Variants in MAST4 observed in about 807,000 individuals in gnomAD.
MAST4 encodes microtubule associated serine/threonine kinase family member 4.
Under a neutral mutation model 162.7 loss-of-function variants are expected in MAST4, and 89 were observed. The ratio of observed to expected loss-of-function variants is 0.55; its 90% CI spans 0.46 to 0.65. MAST4 has a LOEUF of 0.65. Ranked by LOEUF, MAST4 falls within the 30% of genes least tolerant of loss-of-function variation. The pLI, the probability that MAST4 is intolerant of heterozygous loss-of-function variation, is 0.00. For missense variants in MAST4, 3,153 were observed against 3,374.0 expected (o/e 0.93, Z 1.62); for synonymous variants, 1,479 against 1,361.1 (o/e 1.09, Z -1.91).
chr5:67,095,703 T>TC (rs749091573), intron 7 of MAST4, 28 bp downstream of exon 7: 4 of 1,449,892 alleles, frequency 2.8e-6, no homozygotes, highest in Non-Finnish European at 3.8e-6. Context: ...TTTTTTTTTT[T>TC]CTCTTCCTCA....
chr5:66,940,401 C>T (rs544285784), intron 4 of MAST4, among the ~76,000 whole-genome samples: 159 of 152,124 alleles, frequency 1.0e-3, no homozygotes, highest in Middle Eastern at 3.2e-3. Context: ...ATAACTTCTT[C>T]CATAATTGGA....
intron 19 of MAST4, among the ~76,000 whole-genome samples, chr5:67,139,829 C>A (rs1770141656): frequency 6.6e-6 from 1 of 152,206 alleles, no homozygotes; most frequent in South Asian, 2.1e-4. Flanking sequence ...TTCCTTATCT[C>A]TCCATAAGTG....
intron 4 of MAST4, among the ~76,000 whole-genome samples, chr5:66,971,538 A>G (rs1454400283): frequency 1.3e-5 from 2 of 151,800 alleles, no homozygotes; most frequent in Non-Finnish European, 2.9e-5. Flanking sequence ...GATACTATCT[A>G]CTCTTAAACA....
At chr5:67,018,413 A>G (rs250277) in intron 4 of MAST4, among the ~76,000 whole-genome samples, 76,909 of 151,858 alleles carry the variant, frequency 0.51, 20,754 homozygotes, top group African/African-American at 0.7. Flanking sequence ...TACTCTGGAG[A>G]CTGAGGCAGG....
At chr5:66,762,139 A>T (rs1206530133) in intron 2 of MAST4, among the ~76,000 whole-genome samples, 1 of 152,196 alleles carries the variant, frequency 6.6e-6, no homozygotes, top group African/African-American at 2.4e-5. Context: ...TTCTCTTGTC[A>T]TAATTTTAAC....
intron 4 of MAST4, among the ~76,000 whole-genome samples, chr5:66,988,785 A>G (rs73103944): frequency 0.028 from 4,339 of 152,284 alleles, 188 homozygotes; most frequent in African/African-American, 0.096. Flanking sequence ...GTCTACAAAG[A>G]TGAGAGATAT....
chr5:66,724,278 G>A (rs1394544285), intron 1 of MAST4, among the ~76,000 whole-genome samples: 3 of 152,142 alleles, frequency 2.0e-5, no homozygotes, highest in East Asian at 1.9e-4. Flanking sequence ...CACTTAGAAG[G>A]TGTGGAGCAC....
At chr5:66,695,891 A>AT (rs1438256251) in intron 1 of MAST4, among the ~76,000 whole-genome samples, 3 of 152,216 alleles carry the variant, frequency 2.0e-5, no homozygotes, top group African/African-American at 7.2e-5. Context: ...TATTATAAAG[A>AT]TACATGCACA....
Position 66,862,126 on chromosome 5 carries a change from A to G in MAST4, c.643-37825A>G, listed in dbSNP as rs557145044. Among the ~76,000 whole-genome samples, 5 of 152,330 alleles carry G rather than the reference A, an allele frequency of 3.3e-5. No homozygotes were observed. In the South Asian group the frequency reaches 1.0e-3, roughly 32 times the overall value. On this transcript the variant is annotated intron_variant, in intron 3 of 28. Transcript: ENST00000403625. ...AGGAGTGTAGCACATCCCCTGCTTA[A>G]TTTAAACACCAATCAAGTCTAATTA...
chr5:66,644,752 T>TTC (rs904389643), intron 1 of MAST4, among the ~76,000 whole-genome samples: 16 of 151,962 alleles, frequency 1.1e-4, no homozygotes, highest in African/African-American at 3.9e-4. Flanking sequence ...AAGTAGTTTT[T>TTC]TTTTTTTTTT....
At chr5:66,623,478 T>G (rs1291211254) in intron 1 of MAST4, among the ~76,000 whole-genome samples, 3 of 152,248 alleles carry the variant, frequency 2.0e-5, no homozygotes, top group African/African-American at 7.2e-5. Flanking sequence ...GATGCAAGGA[T>G]GGTTCAATGT....
chr5:66,653,215 A>G (rs1246361997), intron 1 of MAST4, among the ~76,000 whole-genome samples: 1 of 152,204 alleles, frequency 6.6e-6, no homozygotes, highest in African/African-American at 2.4e-5. Flanking sequence ...CAAATGATGC[A>G]TGTTAATTCT....
At chr5:67,013,678 C>G (rs1454048250) in intron 4 of MAST4, among the ~76,000 whole-genome samples, 1 of 151,350 alleles carries the variant, frequency 6.6e-6, no homozygotes, top group African/African-American at 2.4e-5. Flanking sequence ...CACTTATGCC[C>G]CTTTCACATT....
intron 14 of MAST4, among the ~76,000 whole-genome samples, chr5:67,122,815 C>T (rs1169726390): frequency 1.3e-5 from 2 of 152,154 alleles, no homozygotes; most frequent in African/African-American, 4.8e-5. Flanking sequence ...AGGTATATCA[C>T]ACTTTGGGGA....
In MAST4 at chr5:67,166,138, T is replaced by C. The variant is rs1442835879; in HGVS notation, c.6959T>C (p.Leu2320Pro). Residue 2320 changes from leucine (L) to proline (P), a missense_variant, in exon 29 of 29, where the codon CTG (leucine) becomes CCG (proline). Physicochemically the swap from Leu to Pro is moderately conservative, Grantham distance 98 (BLOSUM62 -3). Coordinates refer to ENST00000403625, the MANE Select transcript of MAST4 (RefSeq NM_001164664.2). ...CCTAGTGAGCCAGCGGACCAGAAAC[T>C]GTCCGCTGTTGGTGAAAAGCAAACC... The part of the protein sequence containing the change: ...PGPSEPADQK[L>P]SAVGEKQTLS... The C allele has an allele frequency of 1.3e-6, 2 of 1,588,832 alleles. No homozygotes were observed. The highest frequency in any genetic ancestry group is 1.3e-5 in the African/African-American group (1 of 74,430).
chr5:66,892,948 A>G (rs974575100), intron 3 of MAST4, among the ~76,000 whole-genome samples: 19 of 152,218 alleles, frequency 1.2e-4, no homozygotes, highest in Admixed American at 1.2e-3. Context: ...TTAATAAACC[A>G]CACTAGACAG....
chr5:66,835,433 T>A (rs1359771736), intron 3 of MAST4, among the ~76,000 whole-genome samples: 1 of 152,300 alleles, frequency 6.6e-6, no homozygotes, highest in East Asian at 1.9e-4. Flanking sequence ...TTATGGTCCC[T>A]TTTTACGAGT....
chr5:66,616,260 A>G (rs949362840), intron 1 of MAST4, among the ~76,000 whole-genome samples: 2 of 152,230 alleles, frequency 1.3e-5, no homozygotes, highest in African/African-American at 4.8e-5. Flanking sequence ...TTTCACATTC[A>G]GTCCGTGTGA....
intron 3 of MAST4, among the ~76,000 whole-genome samples, chr5:66,873,902 A>AT (rs1048527657): frequency 6.6e-6 from 1 of 152,176 alleles, no homozygotes; most frequent in African/African-American, 2.4e-5. Context: ...GAGGAAGTTA[A>AT]TTTTTAAAAG....
Sources: gnomAD v4.1 joint callset for allele counts (sites outside exome capture counted in the v4.1 genomes callset) on GRCh38, gnomAD v4.1.1 for gene constraint, MANE v1.5 for transcripts, NCBI Gene and HGNC (gene_info 2026-07-23, HGNC 2026-07-21) for gene names.